MARCHF5: variants seen among roughly 807,000 people sequenced by gnomAD.
The protein encoded by MARCHF5 is E3 ubiquitin-protein ligase MARCHF5.
MARCHF5 carries 5 observed loss-of-function variants against 36.5 expected under a neutral mutation model. The ratio of observed to expected loss-of-function variants is 0.14; its 90% CI spans 0.07 to 0.29. The LOEUF (loss-of-function observed/expected upper bound fraction) is 0.29, where lower values mean the gene tolerates loss of function less well. Ranked by LOEUF, MARCHF5 falls within the 10% of genes least tolerant of loss-of-function variation. The pLI is 1.00. For synonymous variants in MARCHF5, 103 were observed against 109.9 expected, an observed-to-expected ratio of 0.94 and a Z score of 0.39; for missense variants, 179 against 336.3, an observed-to-expected ratio of 0.53 and a Z score of 3.66.
intron 1 of MARCHF5, among the ~76,000 whole-genome samples, chr10:92,293,848 A>G (rs1422575033): frequency 6.6e-6 from 1 of 152,126 alleles, no homozygotes; most frequent in East Asian, 1.9e-4. Context: ...GCTGCCATTT[A>G]CTGAAGTAGG....
rs376178460 is a variant in MARCHF5, at chr10:92,307,175, CTG to C, written c.36-3923_36-3922del. ...CTCATAAAATAAGGAAAGAAAACAT[CTG>C]TGTGTGTGTGTGTGTGTGTGTGTGT... On this transcript the variant is annotated intron_variant, in intron 1 of 5. Coordinates refer to ENST00000358935, the MANE Select transcript of MARCHF5 (RefSeq NM_017824.5). Among the ~76,000 whole-genome samples the C allele has an allele frequency of 1.4e-3, 170 of 121,888 alleles. 2 individuals are homozygous for C. Among genetic ancestry groups the C allele is most frequent in the African/African-American group, 2.4e-3 (81 of 33,262 alleles). The allele number at this position is 121,888 out of a possible 152,430, so 80.0% of individuals were successfully genotyped here.
chr10:92,345,696 TC>T (rs1843634189), intron 3 of MARCHF5, among the ~76,000 whole-genome samples: 1 of 128,146 alleles, frequency 7.8e-6, no homozygotes, highest in Non-Finnish European at 1.8e-5. Context: ...TTTTTTTTTT[TC>T]TTTTTTTTTT....
Position 92,337,465 on chromosome 10 carries a change from C to T in MARCHF5, c.239-3208C>T, listed in dbSNP as rs140386300. On this transcript the variant is annotated intron_variant, in intron 2 of 5. Coordinates refer to ENST00000358935, the MANE Select transcript of MARCHF5 (RefSeq NM_017824.5). ...GGAGGCAAGAGGTTGCAGCAGTGAG[C>T]CGAGATCGTGCCATTGCATTCCACC... is the stretch of plus-strand genomic sequence containing the variant. Among the ~76,000 whole-genome samples, 559 of 152,038 alleles carry T rather than the reference C, an allele frequency of 3.7e-3. 4 individuals are homozygous for T. The highest frequency in any genetic ancestry group is 0.013 in the African/African-American group (528 of 41,488).
intron 2 of MARCHF5, among the ~76,000 whole-genome samples, chr10:92,335,429 G>C (rs556530035): frequency 1.3e-5 from 2 of 152,274 alleles, no homozygotes; most frequent in South Asian, 4.2e-4. Flanking sequence ...CTGGGTGGCA[G>C]TTTATTATTC....
At chr10:92,325,617 T>C (rs1843347548) in intron 2 of MARCHF5, among the ~76,000 whole-genome samples, 1 of 152,218 alleles carries the variant, frequency 6.6e-6, no homozygotes, top group Non-Finnish European at 1.5e-5. Context: ...AGCTCTCTTA[T>C]ATCTCATTAA....
At chr10:92,293,427 G>T (rs980981776) in intron 1 of MARCHF5, among the ~76,000 whole-genome samples, 2 of 152,038 alleles carry the variant, frequency 1.3e-5, no homozygotes, top group Admixed American at 1.3e-4. Flanking sequence ...ATGTCCAAAA[G>T]CTGACCTAAC....
intron 1 of MARCHF5, among the ~76,000 whole-genome samples, chr10:92,295,179 C>T (rs897428984): frequency 1.3e-5 from 2 of 151,942 alleles, no homozygotes; most frequent in African/African-American, 4.8e-5. Flanking sequence ...CAAAAATGCC[C>T]TTATGGAGCT....
intron 1 of MARCHF5, among the ~76,000 whole-genome samples, chr10:92,302,112 G>A (rs1027025886): frequency 2.0e-5 from 3 of 152,136 alleles, no homozygotes; most frequent in African/African-American, 7.2e-5. Context: ...TTGTTATACT[G>A]TATTGTTATG....
At chr10:92,334,147 G>A (rs777361684) in intron 2 of MARCHF5, among the ~76,000 whole-genome samples, 18 of 152,172 alleles carry the variant, frequency 1.2e-4, no homozygotes, top group Admixed American at 2.6e-4. Flanking sequence ...CTGACATTGC[G>A]CCAGTGCACT....
Position 92,351,325 on chromosome 10 carries a change from A to G in MARCHF5, c.*118A>G. 4.8e-6 allele frequency: 3 copies of G among 624,896 alleles called. No individual in the cohort carries two copies. Among genetic ancestry groups the G allele is most frequent in the Middle Eastern group, 3.9e-4 (1 of 2,534 alleles). 38.7% of individuals were successfully genotyped at this position (624,896 alleles called of 1,614,324 possible). ...ATAAGCTGCTGCTCCTATATTTTTT[A>G]AGAAATATAATAAAGCACTTAGGGC... is the stretch of plus-strand genomic sequence containing the variant. On this transcript the variant is annotated 3_prime_UTR_variant, in exon 6 of 6. Transcript: ENST00000358935.
At chr10:92,308,722 T>G (rs1590649800) in intron 1 of MARCHF5, 1 of 117,750 alleles carries the variant, frequency 8.5e-6, no homozygotes, top group Admixed American at 8.6e-5. Context: ...TTTTTTTTTT[T>G]GAGACGGAGT....
chr10:92,321,798 A>T (rs545041363), intron 2 of MARCHF5, among the ~76,000 whole-genome samples: 93 of 152,182 alleles, frequency 6.1e-4, no homozygotes, highest in African/African-American at 2.1e-3. Flanking sequence ...TGTCCATTTC[A>T]TGTATATTAT....
intron 1 of MARCHF5, among the ~76,000 whole-genome samples, chr10:92,296,611 A>C (rs149885244): frequency 7.2e-5 from 11 of 152,280 alleles, no homozygotes; most frequent in African/African-American, 2.6e-4. Flanking sequence ...TTTGGAAACT[A>C]CTTCTGCTTC....
At chr10:92,306,122 T>C (rs572910722) in intron 1 of MARCHF5, among the ~76,000 whole-genome samples, 1 of 152,338 alleles carries the variant, frequency 6.6e-6, no homozygotes, top group South Asian at 2.1e-4. Context: ...GCACAGCACA[T>C]CTTGATCCAT....
chr10:92,294,186 G>A (rs1379776681), intron 1 of MARCHF5, among the ~76,000 whole-genome samples: 1 of 152,030 alleles, frequency 6.6e-6, no homozygotes, highest in Admixed American at 6.6e-5. Context: ...GAGATAGTAG[G>A]GTATAGTGAG....
chr10:92,316,725 G>C (rs1421658710), intron 2 of MARCHF5, among the ~76,000 whole-genome samples: 2 of 135,344 alleles, frequency 1.5e-5, no homozygotes, highest in African/African-American at 4.9e-5. Context: ...ACCACACCCA[G>C]CTAATTTTTT....
At chr10:92,302,290 CT>C (rs1474408857) in intron 1 of MARCHF5, among the ~76,000 whole-genome samples, 1 of 152,046 alleles carries the variant, frequency 6.6e-6, no homozygotes, top group Middle Eastern at 3.2e-3. Context: ...GGTTATATGT[CT>C]TTGATAGATC....
intron 1 of MARCHF5, among the ~76,000 whole-genome samples, chr10:92,294,844 T>C (rs1006860177): frequency 1.2e-4 from 19 of 152,036 alleles, no homozygotes; most frequent in African/African-American, 4.1e-4. Flanking sequence ...TAGACACCAG[T>C]GTGGGCAACA....
chr10:92,295,140 C>T (rs1485145160), intron 1 of MARCHF5, among the ~76,000 whole-genome samples: 1 of 152,004 alleles, frequency 6.6e-6, no homozygotes, highest in Non-Finnish European at 1.5e-5. Flanking sequence ...ATTCTAGGCC[C>T]TTGGTATATA....
Sources: allele counts gnomAD v4.1 joint callset (sites outside exome capture counted in the v4.1 genomes callset), GRCh38; gene constraint gnomAD v4.1.1; transcripts MANE v1.5; gene names NCBI Gene and HGNC (gene_info 2026-07-23, HGNC 2026-07-21).